The following ASCC1 variants were observed in gnomAD, a reference collection of about 807,000 sequenced individuals.
ASCC1 encodes ASC-1 complex subunit P50.
A neutral mutation model predicts 46.6 loss-of-function variants in ASCC1; 35 were observed. The ratio of observed to expected loss-of-function variants is 0.75; its 90% CI spans 0.57 to 0.99. ASCC1 has a LOEUF of 0.99. Among genes scored for constraint, ASCC1 ranks in the 50% least tolerant of loss-of-function variants. The probability of loss-of-function intolerance (pLI) is 0.00; values close to 1 mark genes in which losing one functional copy is unlikely to be tolerated. For synonymous variants in ASCC1, 143 were observed against 146.6 expected (o/e 0.98, Z 0.18); for missense variants, 376 against 428.7 (o/e 0.88, Z 1.09).
At chr10:72,137,527 CAA>C (rs397956947) in intron 7 of ASCC1, among the ~76,000 whole-genome samples, 15 of 76,118 alleles carry the variant, frequency 2.0e-4, no homozygotes, top group Middle Eastern at 6.7e-3. Context: ...GACTCCATCT[CAA>C]AAAAAAAAAA....
At chr10:72,181,352 G>T (rs562821404) in intron 5 of ASCC1, among the ~76,000 whole-genome samples, 1 of 152,148 alleles carries the variant, frequency 6.6e-6, no homozygotes, top group Non-Finnish European at 1.5e-5. Context: ...TGAAGAGGCT[G>T]AAGACTTACT....
intron 9 of ASCC1, among the ~76,000 whole-genome samples, chr10:72,099,330 T>C (rs956515013): frequency 2.6e-5 from 4 of 152,208 alleles, no homozygotes; most frequent in African/African-American, 9.6e-5. Context: ...GTGACTGCAA[T>C]GCAATAACAG....
intron 3 of ASCC1, among the ~76,000 whole-genome samples, chr10:72,206,804 A>C (rs1857284242): frequency 6.6e-6 from 1 of 152,120 alleles, no homozygotes; most frequent in South Asian, 2.1e-4. Flanking sequence ...GATTAAATAA[A>C]GGTTGCCAGG....
rs375562737 is a variant in ASCC1 at position 72,196,944 on chromosome 10, C to T, written c.356G>A (p.Arg119Gln). ...HRNGVISART[R>Q]IDVLLDTFRR... ...AAAAGTGTCCAAAAGAACATCAATCCGTGTTCGGGCTGAAATTACACCATT... is the reference window on the plus strand; with the variant it reads ...AAAAGTGTCCAAAAGAACATCAATCTGTGTTCGGGCTGAAATTACACCATT... Residue 119 changes from arginine (R) to glutamine (Q), a missense_variant, in exon 5 of 10, where the codon CGG becomes CAG. Transcript: ENST00000672957. 7.4e-6 allele frequency: 12 copies of T among 1,613,468 alleles called. No homozygotes were observed. The highest frequency in any genetic ancestry group is 5.5e-5 in the South Asian group (5 of 91,084).
At chr10:72,129,976 CAAAAAAA>C (rs34426096) in intron 8 of ASCC1, among the ~76,000 whole-genome samples, 2 of 64,324 alleles carry the variant, frequency 3.1e-5, no homozygotes, top group Non-Finnish European at 2.7e-5. Context: ...GACCTTGTCT[CAAAAAAA>C]AAAAAAAAAA....
chr10:72,103,400 G>C (rs1176619439), intron 9 of ASCC1, among the ~76,000 whole-genome samples: 1 of 152,138 alleles, frequency 6.6e-6, no homozygotes, highest in East Asian at 1.9e-4. Flanking sequence ...CCAAAGTGCT[G>C]GGATTACAGG....
chr10:72,124,207 CT>C (rs1844565510), intron 9 of ASCC1, among the ~76,000 whole-genome samples: 2 of 152,166 alleles, frequency 1.3e-5, no homozygotes, highest in South Asian at 4.1e-4. Context: ...TAGTTTAGTA[CT>C]GCCAGTCTCT....
At chr10:72,165,408 G>A (rs12262932) in intron 5 of ASCC1, among the ~76,000 whole-genome samples, 20,029 of 152,218 alleles carry the variant, frequency 0.13, 4,165 homozygotes, top group African/African-American at 0.44. Flanking sequence ...GAGCCACCGC[G>A]CCCGGCCAAG....
intron 9 of ASCC1, among the ~76,000 whole-genome samples, chr10:72,116,495 C>G (rs1486511810): frequency 6.6e-6 from 1 of 151,642 alleles, no homozygotes; most frequent in East Asian, 1.9e-4. Flanking sequence ...CAACCATGCC[C>G]CATTCTCTCC....
chr10:72,190,662 T>C (rs866397206), intron 5 of ASCC1: 2 of 706,452 alleles, frequency 2.8e-6, no homozygotes, highest in South Asian at 3.9e-5. Context: ...CTGTTAAAGC[T>C]AGTCTGCAAA....
intron 5 of ASCC1, among the ~76,000 whole-genome samples, chr10:72,178,214 G>A (rs139172073): frequency 7.2e-5 from 11 of 152,302 alleles, no homozygotes; most frequent in South Asian, 2.1e-4. Flanking sequence ...TCACAACAAC[G>A]TTTAACAATG....
At chr10:72,151,991 T>C (rs1454613387) in intron 7 of ASCC1, among the ~76,000 whole-genome samples, 2 of 62,084 alleles carry the variant, frequency 3.2e-5, no homozygotes, top group South Asian at 2.0e-3. Flanking sequence ...AACCGGCCAA[T>C]ATTTTTTTTT....
intron 9 of ASCC1, among the ~76,000 whole-genome samples, chr10:72,125,957 A>G (rs369386597): frequency 2.6e-5 from 4 of 152,226 alleles, no homozygotes; most frequent in African/African-American, 9.6e-5. Context: ...TATTTCTGTT[A>G]GTGTTGATAT....
At chr10:72,175,571 C>T (rs189829852) in intron 5 of ASCC1, among the ~76,000 whole-genome samples, 45 of 152,276 alleles carry the variant, frequency 3.0e-4, no homozygotes, top group African/African-American at 1.0e-3. Flanking sequence ...TTTATTCATA[C>T]ATAATTACAA....
chr10:72,142,362 TCA>T (rs1847118386), intron 7 of ASCC1, among the ~76,000 whole-genome samples: 1 of 149,324 alleles, frequency 6.7e-6, no homozygotes, highest in African/African-American at 2.5e-5. Flanking sequence ...CCAGCAGATT[TCA>T]CTTTTTTTTT....
At position 72,210,807 on chromosome 10, in the gene ASCC1, G is replaced by T. The variant is rs757696587; in HGVS notation, c.137C>A (p.Pro46His). 5.0e-6 allele frequency: 8 copies of T among 1,613,774 alleles called. No individual in the cohort carries two copies. The African/African-American group carries it at 9.4e-5, about 19-fold the overall frequency. ...YQGSMECADEPCDAYEVEQTP... is the reference protein window; with the variant it reads ...YQGSMECADEHCDAYEVEQTP... ...CTGCTCCACCTCGTAGGCATCACAGGGCTCATCAGCACACTCCATGGAGCC... is the reference window on the plus strand; with the variant it reads ...CTGCTCCACCTCGTAGGCATCACAGTGCTCATCAGCACACTCCATGGAGCC... Residue 46 changes from proline to histidine, a missense_variant, in exon 3 of 10, where the codon CCC (proline) becomes CAC (histidine). Coordinates refer to ENST00000672957, the MANE Select transcript of ASCC1 (RefSeq NM_001198800.3).
intron 5 of ASCC1, among the ~76,000 whole-genome samples, chr10:72,188,703 G>A (rs1853894378): frequency 6.6e-6 from 1 of 152,120 alleles, no homozygotes; most frequent in African/African-American, 2.4e-5. Context: ...AGCAGGAGTA[G>A]CAACTACCAT....
At chr10:72,177,806 C>T (rs912351894) in intron 5 of ASCC1, among the ~76,000 whole-genome samples, 33 of 151,940 alleles carry the variant, frequency 2.2e-4, no homozygotes, top group African/African-American at 7.5e-4. Context: ...ATGCAAGAGA[C>T]GAAAGAATGA....
chr10:72,215,672 C>T (rs1859089146), intron 1 of ASCC1: 1 of 152,190 alleles, frequency 6.6e-6, no homozygotes. Flanking sequence ...CCACGAGCTC[C>T]GGAAGAACAG....
Sources: gnomAD v4.1 joint callset for allele counts (sites outside exome capture counted in the v4.1 genomes callset) on GRCh38, gnomAD v4.1.1 for gene constraint, MANE v1.5 for transcripts, NCBI Gene and HGNC (gene_info 2026-07-23, HGNC 2026-07-21) for gene names.